SLC60A2: variants seen among roughly 807,000 people sequenced by gnomAD.
SLC60A2 encodes major facilitator superfamily domain containing 4B.
At chr6:111,273,597 G>A in the SLC60A2 span, among the ~76,000 whole-genome samples, 1 of 151,238 alleles carries the variant, frequency 6.6e-6, no homozygotes, top group Non-Finnish European at 1.5e-5. Flanking sequence ...TCCTGTAAAT[G>A]TCTGTTAGGC....
chr6:111,266,259 C>T, the SLC60A2 span: 1 of 1,614,158 alleles, frequency 6.2e-7, no homozygotes, highest in Non-Finnish European at 8.5e-7. Flanking sequence ...CCTTCTTTGT[C>T]TCCTTTTTCT....
the SLC60A2 span, chr6:111,259,420 G>T: frequency 2.5e-6 from 1 of 403,104 alleles, no homozygotes; most frequent in African/African-American, 2.1e-5. Context: ...CGGTCCGCTG[G>T]GAGGTGGCGC....
the SLC60A2 span, among the ~76,000 whole-genome samples, chr6:111,271,775 TAAAAAAAAAAAAAAAA>T: frequency 1.4e-3 from 27 of 18,852 alleles, 2 homozygotes; most frequent in South Asian, 6.1e-3. Context: ...CCATCTCTAC[TAAAAAAAAAAAAAAAA>T]AAAAAAAAAA....
At chr6:111,273,844 G>A in the SLC60A2 span, among the ~76,000 whole-genome samples, 1 of 152,078 alleles carries the variant, frequency 6.6e-6, no homozygotes, top group Non-Finnish European at 1.5e-5. Context: ...TCTTGCTTCA[G>A]CCTTTTGAGT....
chr6:111,276,628 C>G, the SLC60A2 span, among the ~76,000 whole-genome samples: 1 of 152,164 alleles, frequency 6.6e-6, no homozygotes, highest in Admixed American at 6.5e-5. Context: ...AATGAACTTT[C>G]TTTTTTGTCC....
chr6:111,262,157 C>T, the SLC60A2 span: 3 of 915,416 alleles, frequency 3.3e-6, no homozygotes, highest in African/African-American at 5.1e-5. Flanking sequence ...AAATCCCAGA[C>T]CCTCCGCCCC....
the SLC60A2 span, chr6:111,262,568 CCCTGGTA>C: frequency 2.8e-6 from 2 of 720,656 alleles, no homozygotes; most frequent in Non-Finnish European, 4.7e-6. Flanking sequence ...AGTTGAGTTT[CCCTGGTA>C]CCTGCTTTCA....
At chr6:111,265,724 G>T in the SLC60A2 span, 1 of 653,614 alleles carries the variant, frequency 1.5e-6, no homozygotes, top group East Asian at 2.8e-5. Flanking sequence ...TCCTTTCTCA[G>T]AATTGATTTA....
At chr6:111,264,381 TC>T in the SLC60A2 span, among the ~76,000 whole-genome samples, 4,537 of 151,990 alleles carry the variant, frequency 0.03, 205 homozygotes, top group African/African-American at 0.1. Flanking sequence ...TACCCTGACT[TC>T]CAAGCCAAGA....
the SLC60A2 span, among the ~76,000 whole-genome samples, chr6:111,260,163 G>T: frequency 1.3e-5 from 2 of 152,078 alleles, no homozygotes; most frequent in Non-Finnish European, 2.9e-5. Flanking sequence ...CGCCCACCTC[G>T]GCCTCCCAAA....
At chr6:111,262,659 C>T in the SLC60A2 span, among the ~76,000 whole-genome samples, 23 of 152,118 alleles carry the variant, frequency 1.5e-4, no homozygotes, top group African/African-American at 5.6e-4. Flanking sequence ...CTTAGCAATC[C>T]TTAGCCTTTC....
the SLC60A2 span, chr6:111,278,420 C>A: frequency 2.6e-5 from 4 of 152,032 alleles, no homozygotes; most frequent in African/African-American, 9.7e-5. Context: ...CAGGGTGCAA[C>A]GTCTTTCTTT....
chr6:111,271,444 C>A, the SLC60A2 span, among the ~76,000 whole-genome samples: 2 of 151,698 alleles, frequency 1.3e-5, no homozygotes, highest in Non-Finnish European at 1.5e-5. Flanking sequence ...CTCAAATTTC[C>A]TAAGTAAAGG....
At chr6:111,273,869 G>A in the SLC60A2 span, among the ~76,000 whole-genome samples, 2 of 152,282 alleles carry the variant, frequency 1.3e-5, no homozygotes, top group Middle Eastern at 3.4e-3. Flanking sequence ...GGAACTACAG[G>A]TGTGTGTCAC....
chr6:111,267,165 A>G, the SLC60A2 span: 3 of 1,526,216 alleles, frequency 2.0e-6, no homozygotes, highest in Admixed American at 3.9e-5. Context: ...TGCCACTTCT[A>G]AGGACGCCAT....
the SLC60A2 span, among the ~76,000 whole-genome samples, chr6:111,260,369 T>G: frequency 6.6e-6 from 1 of 152,196 alleles, no homozygotes; most frequent in African/African-American, 2.4e-5. Context: ...CTGACCAAAT[T>G]CAGCCAACCG....
At chr6:111,266,951 G>C in the SLC60A2 span, 1 of 1,614,132 alleles carries the variant, frequency 6.2e-7, no homozygotes, top group Non-Finnish European at 8.5e-7. Flanking sequence ...ATGATACAAT[G>C]AGGCATTCTA....
the SLC60A2 span, chr6:111,266,064 G>A: frequency 3.7e-6 from 6 of 1,613,992 alleles, no homozygotes; most frequent in African/African-American, 4.0e-5. Flanking sequence ...ATCATCTGAT[G>A]CTGACTCAGA....
chr6:111,266,447 A>T, the SLC60A2 span: 17 of 1,614,202 alleles, frequency 1.1e-5, no homozygotes, highest in Admixed American at 1.8e-4. Flanking sequence ...TACAGCCTGG[A>T]ACCATGATTG....
Sources: gnomAD v4.1 joint callset for allele counts (sites outside exome capture counted in the v4.1 genomes callset) on GRCh38, gnomAD v4.1.1 for gene constraint, MANE v1.5 for transcripts, NCBI Gene and HGNC (gene_info 2026-07-23, HGNC 2026-07-21) for gene names.